ASPH: variants seen among roughly 807,000 people sequenced by gnomAD.
ASPH encodes the protein aspartate beta-hydroxylase.
A neutral mutation model predicts 118.4 loss-of-function variants in ASPH; 100 were observed. The ratio of observed to expected loss-of-function variants is 0.84; its 90% CI spans 0.72 to 1.00. The LOEUF (loss-of-function observed/expected upper bound fraction) is 1.00, where lower values mean the gene tolerates loss of function less well. ASPH is among the 50% of genes least tolerant of loss of function. The pLI is 0.00. For missense variants in ASPH, 920 were observed against 919.5 expected, an observed-to-expected ratio of 1.00 and a Z score of -0.01; for synonymous variants, 315 against 325.6, an observed-to-expected ratio of 0.97 and a Z score of 0.35.
intron 1 of ASPH, among the ~76,000 whole-genome samples, chr8:61,688,875 C>T (rs921610433): frequency 1.3e-5 from 2 of 152,142 alleles, no homozygotes; most frequent in African/African-American, 2.4e-5. Context: ...CTTTATCAGA[C>T]GAGTCAAGTG....
At position 61,643,991 on chromosome 8, in the gene ASPH, G is replaced by C; in HGVS notation, c.663C>G (p.Asp221Glu). The stretch of plus-strand genomic sequence containing the variant: ...TCATCTCTTCCATATCCTGATTACA[G>C]TCTTGTGAAACTATAAATTATGGAA... ...SYHVEETVSQ[D>E]CNQDMEEMMS... The change falls in exon 8 of 25, where the codon GAC becomes GAG. Residue 221 changes from aspartate to glutamate, a missense_variant. Transcript: ENST00000379454. 1 of 1,609,296 alleles carries C rather than the reference G, an allele frequency of 6.2e-7. No individual in the cohort carries two copies. The highest frequency in any genetic ancestry group is 2.2e-5 in the East Asian group (1 of 44,698).
intron 21 of ASPH, among the ~76,000 whole-genome samples, chr8:61,537,501 T>G (rs1230576184): frequency 6.6e-6 from 1 of 152,030 alleles, no homozygotes; most frequent in Non-Finnish European, 1.5e-5. Context: ...TCCCAAATAG[T>G]TGGGACTACA....
chr8:61,570,052 C>T (rs1832987289), intron 16 of ASPH, among the ~76,000 whole-genome samples: 1 of 152,162 alleles, frequency 6.6e-6, no homozygotes. Flanking sequence ...CACTGACTTT[C>T]GACGGGTTTA....
At chr8:61,599,478 C>CAAAAAAAAAAAAAGAA (rs1843346296) in intron 14 of ASPH, among the ~76,000 whole-genome samples, 1 of 96,890 alleles carries the variant, frequency 1.0e-5, no homozygotes, top group Non-Finnish European at 2.5e-5. Flanking sequence ...TTAAAAAAGT[C>CAAAAAAAAAAAAAGAA]AAAAAAAAAA....
intron 24 of ASPH, among the ~76,000 whole-genome samples, chr8:61,507,812 G>A (rs759998631): frequency 1.3e-5 from 2 of 152,148 alleles, no homozygotes; most frequent in East Asian, 3.8e-4. Context: ...AGTTACACTC[G>A]AATTACGACA....
At chr8:61,642,985 G>A in intron 9 of ASPH, 65 bp from the exon 10 acceptor site, 1 of 1,401,408 alleles carries the variant, frequency 7.1e-7, no homozygotes, top group Non-Finnish European at 9.6e-7. Context: ...CAATTGTTCA[G>A]TTAAAACAAA....
chr8:61,688,744 G>T (rs929320580), intron 1 of ASPH, among the ~76,000 whole-genome samples: 2 of 152,136 alleles, frequency 1.3e-5, no homozygotes, highest in African/African-American at 4.8e-5. Flanking sequence ...TGCATCAGAT[G>T]CAACAGCTGA....
At chr8:61,560,560 C>T (rs916592565) in intron 18 of ASPH, among the ~76,000 whole-genome samples, 3 of 150,896 alleles carry the variant, frequency 2.0e-5, no homozygotes, top group Non-Finnish European at 4.4e-5. Flanking sequence ...GTGAGAGGAC[C>T]GGAAAAAAGG....
At chr8:61,506,978 G>A (rs1362495581) in intron 24 of ASPH, among the ~76,000 whole-genome samples, 1 of 152,148 alleles carries the variant, frequency 6.6e-6, no homozygotes, top group Non-Finnish European at 1.5e-5. Flanking sequence ...AGAGAACCTG[G>A]AAACTACTTA....
rs368498847 is a variant in ASPH, at chr8:61,651,113, T to C, written c.427A>G (p.Ile143Val). Residue 143 changes from isoleucine to valine, a missense_variant, in exon 5 of 25, where the codon ATC becomes GTC. Coordinates refer to ENST00000379454, the MANE Select transcript of ASPH (RefSeq NM_004318.4). ...ATTTGTTCTTTTGCTTCATCTTCGATATTCTGGGGTTCTAAAATAATTGCA... is the reference window on the plus strand; with the variant it reads ...ATTTGTTCTTTTGCTTCATCTTCGACATTCTGGGGTTCTAAAATAATTGCA... Reference protein sequence around the residue: ...QVPVEAEPQNIEDEAKEQIQS... With the variant: ...QVPVEAEPQNVEDEAKEQIQS... 32 of 1,613,598 alleles carry C rather than the reference T, an allele frequency of 2.0e-5. No homozygotes were observed. The highest frequency in any genetic ancestry group is 2.3e-5 in the Non-Finnish European group (27 of 1,179,850).
intron 21 of ASPH, among the ~76,000 whole-genome samples, chr8:61,536,508 G>C (rs949367333): frequency 1.3e-5 from 2 of 152,198 alleles, no homozygotes; most frequent in Non-Finnish European, 2.9e-5. Flanking sequence ...GGAAGAGAAG[G>C]CTTCAGGCAT....
chr8:61,545,131 A>T (rs938045932), intron 21 of ASPH, among the ~76,000 whole-genome samples: 1 of 152,170 alleles, frequency 6.6e-6, no homozygotes, highest in African/African-American at 2.4e-5. Context: ...GTGTCCCCCA[A>T]ATTCATATGT....
chr8:61,542,814 TTA>T (rs963385775), intron 21 of ASPH, among the ~76,000 whole-genome samples: 1 of 152,162 alleles, frequency 6.6e-6, no homozygotes, highest in African/African-American at 2.4e-5. Context: ...CTCCCAGTTT[TTA>T]TATATCTGGA....
intron 21 of ASPH, among the ~76,000 whole-genome samples, chr8:61,533,981 CTT>C (rs1354276416): frequency 1.3e-5 from 2 of 152,254 alleles, no homozygotes; most frequent in Middle Eastern, 3.4e-3. Context: ...GAGTTTTGCT[CTT>C]GTTGCCCAGG....
At position 61,646,856 on chromosome 8, in the gene ASPH, T is replaced by C. The variant is rs768314797; in HGVS notation, c.513A>G (p.Gln171=). ...GTGGTTCTCCTGTGGGTCCATCTTCTTGTTGCAAGTCTTCTCCCTCAACTA... is the reference window on the plus strand; with the variant it reads ...GTGGTTCTCCTGTGGGTCCATCTTCCTGTTGCAAGTCTTCTCCCTCAACTA... ...AEHVEGEDLQ[Q]EDGPTGEPQQ... The change falls in exon 6 of 25, where the codon CAA becomes CAG. Residue 171 remains glutamine (Q), a synonymous_variant. Transcript: ENST00000379454. The C allele has an allele frequency of 6.2e-6, 10 of 1,613,854 alleles. No homozygotes were observed. The highest frequency in any genetic ancestry group is 1.3e-5 in the African/African-American group (1 of 74,924).
At chr8:61,619,074 T>C (rs528233866) in intron 13 of ASPH, 55 bp from the exon 14 acceptor site, 178 of 1,254,382 alleles carry the variant, frequency 1.4e-4, no homozygotes, top group Non-Finnish European at 1.9e-4. Flanking sequence ...ATTCAGTATC[T>C]CAAAATATAG....
intron 14 of ASPH, among the ~76,000 whole-genome samples, chr8:61,602,043 A>T (rs1844145471): frequency 6.6e-6 from 1 of 151,392 alleles, no homozygotes; most frequent in African/African-American, 2.5e-5. Flanking sequence ...TCTATCAAAT[A>T]TGTAATAAAG....
chr8:61,514,069 A>G (rs1809926444), intron 24 of ASPH, among the ~76,000 whole-genome samples: 1 of 152,158 alleles, frequency 6.6e-6, no homozygotes, highest in Non-Finnish European at 1.5e-5. Flanking sequence ...GGCTCACTGC[A>G]GCCTCAAACT....
In ASPH at chr8:61,526,121, A is replaced by G. The variant is rs1815219031; in HGVS notation, c.1765-9T>C. 2 of 1,613,744 alleles carry G rather than the reference A, an allele frequency of 1.2e-6. No homozygotes were observed. The highest frequency in any genetic ancestry group is 1.7e-6 in the Non-Finnish European group (2 of 1,179,850). On this transcript the variant is annotated splice_polypyrimidine_tract_variant and intron_variant, in intron 21 of 24. Transcript: ENST00000379454. ...CAGTTTCTTTCTAAAGACTAGAGGG[A>G]AGATTCTGGCTTTACTGGACTGAAA... is the stretch of plus-strand genomic sequence containing the variant.
Sources: allele counts gnomAD v4.1 joint callset (sites outside exome capture counted in the v4.1 genomes callset), GRCh38; gene constraint gnomAD v4.1.1; transcripts MANE v1.5; gene names NCBI Gene and HGNC (gene_info 2026-07-23, HGNC 2026-07-21).